MEIKIN: variants seen among roughly 807,000 people sequenced by gnomAD.
MEIKIN encodes meiotic kinetochore factor, also known as meiosis-specific kinetochore protein.
chr5:131,858,229 C>G (rs180715201), intron 9 of MEIKIN, among the ~76,000 whole-genome samples: 1 of 152,288 alleles, frequency 6.6e-6, no homozygotes, highest in Non-Finnish European at 1.5e-5. Context: ...CTCAAACAAA[C>G]TTAACAGACA....
chr5:131,887,380 G>A (rs1750817785), intron 8 of MEIKIN, among the ~76,000 whole-genome samples: 1 of 152,138 alleles, frequency 6.6e-6, no homozygotes, highest in Admixed American at 6.5e-5. Context: ...TGGGTCAAAT[G>A]GTATTTCTAG....
At chr5:131,915,095 G>A (rs1220410598) in intron 7 of MEIKIN, among the ~76,000 whole-genome samples, 1 of 152,118 alleles carries the variant, frequency 6.6e-6, no homozygotes, top group Admixed American at 6.5e-5. Flanking sequence ...TACACCAAGG[G>A]CAATGAAGAA....
chr5:131,880,571 C>A (rs1162975564), intron 8 of MEIKIN, among the ~76,000 whole-genome samples: 1 of 152,170 alleles, frequency 6.6e-6, no homozygotes, highest in Non-Finnish European at 1.5e-5. Context: ...GCAATACTAC[C>A]TTGAATTAAG....
intron 9 of MEIKIN, among the ~76,000 whole-genome samples, chr5:131,871,063 C>T (rs759809361): frequency 6.6e-6 from 1 of 152,184 alleles, no homozygotes; most frequent in East Asian, 1.9e-4. Flanking sequence ...TCTACAGCTC[C>T]CAGCATGAGC....
intron 9 of MEIKIN, among the ~76,000 whole-genome samples, chr5:131,871,628 T>G (rs1256960227): frequency 6.6e-6 from 1 of 152,198 alleles, no homozygotes; most frequent in Admixed American, 6.5e-5. Context: ...AATGTCCCTG[T>G]CTGACAGCTT....
chr5:131,833,135 C>T (rs550696818), intron 11 of MEIKIN, among the ~76,000 whole-genome samples: 1 of 152,304 alleles, frequency 6.6e-6, no homozygotes, highest in East Asian at 1.9e-4. Flanking sequence ...TCTTTTAAAA[C>T]AGAATGCTTT....
At chr5:131,818,164 A>T (rs927593859) in intron 12 of MEIKIN, among the ~76,000 whole-genome samples, 4 of 152,230 alleles carry the variant, frequency 2.6e-5, no homozygotes, top group African/African-American at 9.6e-5. Flanking sequence ...ATGAAATATA[A>T]GGTTCTTAGC....
intron 12 of MEIKIN, among the ~76,000 whole-genome samples, chr5:131,809,790 C>G (rs1364695775): frequency 6.7e-6 from 1 of 148,276 alleles, no homozygotes; most frequent in Non-Finnish European, 1.5e-5. Context: ...GAGTGAGACT[C>G]TGTCTCAAAA....
chr5:131,869,763 T>C lies in MEIKIN; in HGVS notation c.774+9215A>G, dbSNP rs929606585. 7.2e-5 allele frequency among the ~76,000 whole-genome samples: 11 copies of C among 152,332 alleles called. No individual in the cohort carries two copies. The East Asian group carries it at 1.2e-3, about 16-fold the overall frequency. On this transcript the variant is annotated intron_variant, in intron 9 of 12. Transcript: ENST00000442687. ...CACCTACGACTCTCAGATTTGTCCA[T>C]ATTCAGCCTCCAGCAATTCATCAAC...
intron 11 of MEIKIN, among the ~76,000 whole-genome samples, chr5:131,828,255 C>A (rs990574389): frequency 6.6e-6 from 1 of 152,148 alleles, no homozygotes. Flanking sequence ...TGCCCCTCTC[C>A]GGGTTCAAGT....
At chr5:131,901,351 C>A (rs1248949352) in intron 8 of MEIKIN, among the ~76,000 whole-genome samples, 1 of 152,150 alleles carries the variant, frequency 6.6e-6, no homozygotes, top group Admixed American at 6.5e-5. Flanking sequence ...CCAGCACCCA[C>A]CTCGTCCTAA....
chr5:131,860,504 G>A lies in MEIKIN; in HGVS notation c.775-5670C>T, dbSNP rs545085131. On this transcript the variant is annotated intron_variant, in intron 9 of 12. Coordinates refer to ENST00000442687, the MANE Select transcript of MEIKIN (RefSeq NM_001303622.2). ...TCTGTTGCCCACACTGGACTGCAGT[G>A]GTGTGATCTCGGCTGACTGCAACCT... Among the ~76,000 whole-genome samples, 4 of 151,848 alleles carry A rather than the reference G, an allele frequency of 2.6e-5. No individual in the cohort carries two copies. In the East Asian group the frequency reaches 7.7e-4, roughly 29 times the overall value.
chr5:131,841,058 G>A (rs1052270444), intron 11 of MEIKIN, among the ~76,000 whole-genome samples: 1 of 152,048 alleles, frequency 6.6e-6, no homozygotes, highest in Non-Finnish European at 1.5e-5. Flanking sequence ...AGGTTTGATT[G>A]TGGTATAATG....
At chr5:131,837,055 A>G (rs553264149) in intron 11 of MEIKIN, among the ~76,000 whole-genome samples, 2 of 152,324 alleles carry the variant, frequency 1.3e-5, no homozygotes, top group South Asian at 4.1e-4. Flanking sequence ...CACATGGTGT[A>G]AGGAAGGGGT....
chr5:131,870,485 C>T (rs2149624119), intron 9 of MEIKIN, among the ~76,000 whole-genome samples: 1 of 152,112 alleles, frequency 6.6e-6, no homozygotes, highest in East Asian at 1.9e-4. Flanking sequence ...TTTCCTAGGA[C>T]ATTTCGCCCG....
At chr5:131,891,742 A>G in intron 8 of MEIKIN, among the ~76,000 whole-genome samples, 1 of 152,176 alleles carries the variant, frequency 6.6e-6, no homozygotes. Flanking sequence ...TTATGTGTGA[A>G]TTTGATCCTG....
chr5:131,896,577 C>A (rs190251831), intron 8 of MEIKIN, among the ~76,000 whole-genome samples: 50 of 152,216 alleles, frequency 3.3e-4, no homozygotes, highest in Admixed American at 2.7e-3. Context: ...GTATTGGATG[C>A]ATATATATTT....
At chr5:131,813,229 T>C (rs1773031247) in intron 12 of MEIKIN, among the ~76,000 whole-genome samples, 1 of 152,180 alleles carries the variant, frequency 6.6e-6, no homozygotes, top group Non-Finnish European at 1.5e-5. Context: ...AAGAGAAAAC[T>C]CATATTTGAT....
At chr5:131,940,365 A>C (rs768659065) in intron 4 of MEIKIN, among the ~76,000 whole-genome samples, 1 of 152,188 alleles carries the variant, frequency 6.6e-6, no homozygotes, top group African/African-American at 2.4e-5. Flanking sequence ...ATTAATTCCA[A>C]TATTAGACTC....
Sources: gnomAD v4.1 joint callset for allele counts (sites outside exome capture counted in the v4.1 genomes callset) on GRCh38, gnomAD v4.1.1 for gene constraint, MANE v1.5 for transcripts, NCBI Gene and HGNC (gene_info 2026-07-23, HGNC 2026-07-21) for gene names.